The following NIBAN1 variants were observed in gnomAD, a reference collection of about 807,000 sequenced individuals.
The protein encoded by NIBAN1 is niban apoptosis regulator 1.
NIBAN1 carries 81 observed loss-of-function variants against 75.1 expected under a neutral mutation model. The observed-to-expected ratio is 1.08, with a 90% CI of 0.90 to 1.30. The LOEUF (loss-of-function observed/expected upper bound fraction) is 1.30, where lower values mean the gene tolerates loss of function less well. NIBAN1 is among the 50% of genes most tolerant of loss of function. The pLI is 0.00. For synonymous variants in NIBAN1, 436 were observed against 424.8 expected (o/e 1.03, Z -0.32); for missense variants, 1,133 against 1,128.1 (o/e 1.00, Z -0.06).
At chr1:184,812,940 A>G (rs1016073763) in intron 9 of NIBAN1, among the ~76,000 whole-genome samples, 3 of 152,252 alleles carry the variant, frequency 2.0e-5, no homozygotes, top group Non-Finnish European at 4.4e-5. Flanking sequence ...CTACTTTGGT[A>G]AAGTTCAAAA....
At chr1:184,851,875 A>G (rs1655548202) in intron 5 of NIBAN1, among the ~76,000 whole-genome samples, 1 of 149,688 alleles carries the variant, frequency 6.7e-6, no homozygotes, top group Admixed American at 6.7e-5. Flanking sequence ...TCTTATGACC[A>G]TGGTTGATAT....
At chr1:184,940,988 G>A (rs970371337) in intron 1 of NIBAN1, among the ~76,000 whole-genome samples, 5 of 152,230 alleles carry the variant, frequency 3.3e-5, no homozygotes, top group Non-Finnish European at 5.9e-5. Flanking sequence ...ACACACGTCA[G>A]TCTATCCTTT....
chr1:184,857,699 T>C (rs1259874279), intron 5 of NIBAN1, among the ~76,000 whole-genome samples: 3 of 152,156 alleles, frequency 2.0e-5, no homozygotes, highest in African/African-American at 7.2e-5. Context: ...TACATATACA[T>C]ATGTGTCTTG....
rs564232442 is a variant in NIBAN1 at position 184,885,498 on chromosome 1, C to T, written c.434-698G>A. Among the ~76,000 whole-genome samples, 38 of 152,260 alleles carry T rather than the reference C, an allele frequency of 2.5e-4. No individual in the cohort carries two copies. In the South Asian group the frequency reaches 7.7e-3, roughly 31 times the overall value. On this transcript the variant is annotated intron_variant, in intron 4 of 13. Coordinates refer to ENST00000367511, the MANE Select transcript of NIBAN1 (RefSeq NM_052966.4). ...CCTGGGCACAATCTTTCTCAACTTC[C>T]TTATGTCTAAAGACCCACAAACGGA...
intron 1 of NIBAN1, among the ~76,000 whole-genome samples, chr1:184,926,364 A>C (rs1178755663): frequency 6.6e-6 from 1 of 152,130 alleles, no homozygotes; most frequent in African/African-American, 2.4e-5. Flanking sequence ...CAGACTCCAG[A>C]GTAGTTGGGG....
intron 12 of NIBAN1, 30 bp downstream of exon 12, chr1:184,803,555 C>T (rs1332188294): frequency 1.1e-5 from 17 of 1,571,108 alleles, no homozygotes; most frequent in Non-Finnish European, 1.4e-5. Context: ...GTAAGAAGAG[C>T]AAGCTCTTTA....
At position 184,847,222 on chromosome 1, in the gene NIBAN1, G is replaced by A. The variant is rs1655461038; in HGVS notation, c.602-15260C>T. The stretch of plus-strand genomic sequence containing the variant: ...GGAAAAAATGTTAAGGGCAGCCAGA[G>A]AGAAAGGTCAGGTTACCCTCAAAGG... On this transcript the variant is annotated intron_variant, in intron 5 of 13. Transcript: ENST00000367511. Among the ~76,000 whole-genome samples the A allele has an allele frequency of 4.0e-4, 2 of 4,980 alleles. 1 individual carries two copies. The highest frequency in any genetic ancestry group is 8.9e-3 in the South Asian group (2 of 224). 3.3% of individuals were successfully genotyped at this position (4,980 alleles called of 152,430 possible). A position where few individuals can be genotyped will look rare whatever the true frequency, so the allele number is the denominator to read the frequency against.
intron 1 of NIBAN1, among the ~76,000 whole-genome samples, chr1:184,906,370 C>T (rs1319253912): frequency 6.6e-6 from 1 of 152,094 alleles, no homozygotes; most frequent in Non-Finnish European, 1.5e-5. Flanking sequence ...GTGGCTCACA[C>T]CTGTAATCCT....
intron 1 of NIBAN1, among the ~76,000 whole-genome samples, 162 bp downstream of exon 1, chr1:184,974,140 G>A (rs1659011766): frequency 6.6e-6 from 1 of 152,054 alleles, no homozygotes; most frequent in African/African-American, 2.4e-5. Context: ...GGAGCGCGCC[G>A]GCTGGGGCAG....
rs76457634 is a variant in NIBAN1, at chr1:184,824,202, A to T, written c.718-460T>A. ...AAGCCCTTCATGATCAAGGTATCAA[A>T]GTATCTCCATGCTCTTCGTCCCCAC... On this transcript the variant is annotated intron_variant, in intron 6 of 13. Transcript: ENST00000367511. 9.8e-5 allele frequency among the ~76,000 whole-genome samples: 15 copies of T among 152,302 alleles called. No homozygotes were observed. The East Asian group carries it at 2.9e-3, about 29-fold the overall frequency.
intron 1 of NIBAN1, among the ~76,000 whole-genome samples, chr1:184,951,470 T>G (rs1474522798): frequency 6.6e-6 from 1 of 152,202 alleles, no homozygotes; most frequent in Non-Finnish European, 1.5e-5. Context: ...GCAACTCCAT[T>G]CTTTCTTTTG....
intron 12 of NIBAN1, among the ~76,000 whole-genome samples, chr1:184,802,007 C>A (rs113620065): frequency 1.1e-4 from 16 of 152,210 alleles, no homozygotes; most frequent in African/African-American, 3.4e-4. Context: ...TCACAGTTCC[C>A]CAGACAATTC....
chr1:184,950,545 A>G (rs1393238055), intron 1 of NIBAN1, among the ~76,000 whole-genome samples: 1 of 152,164 alleles, frequency 6.6e-6, no homozygotes, highest in Non-Finnish European at 1.5e-5. Flanking sequence ...AACAATAAAG[A>G]TATCTGATGA....
At chr1:184,868,219 A>G (rs982025652) in intron 5 of NIBAN1, 1 of 221,946 alleles carries the variant, frequency 4.5e-6, no homozygotes, top group Non-Finnish European at 7.6e-6. Flanking sequence ...TTGACTTGCA[A>G]TATGATTTGT....
intron 5 of NIBAN1, among the ~76,000 whole-genome samples, chr1:184,875,991 T>C (rs1041623902): frequency 1.3e-5 from 2 of 151,974 alleles, no homozygotes; most frequent in African/African-American, 4.8e-5. Flanking sequence ...CTGACCAACA[T>C]GGAGAAACGT....
chr1:184,924,460 C>T (rs147232691), intron 1 of NIBAN1, among the ~76,000 whole-genome samples: 20 of 152,014 alleles, frequency 1.3e-4, no homozygotes, highest in Admixed American at 9.8e-4. Context: ...ATTTTGTTGA[C>T]GATTTTTGCA....
chr1:184,833,572 C>T (rs141616478), intron 5 of NIBAN1, among the ~76,000 whole-genome samples: 3 of 152,102 alleles, frequency 2.0e-5, no homozygotes, highest in Non-Finnish European at 4.4e-5. Context: ...CACGGTGGCA[C>T]ATGCCCATAG....
intron 1 of NIBAN1, among the ~76,000 whole-genome samples, chr1:184,925,682 C>G (rs1368376388): frequency 6.6e-6 from 1 of 151,200 alleles, no homozygotes; most frequent in Admixed American, 6.6e-5. Flanking sequence ...AACAAATAAG[C>G]AAAGAGAAAA....
intron 8 of NIBAN1, among the ~76,000 whole-genome samples, chr1:184,821,813 T>C (rs191337614): frequency 1.1e-3 from 162 of 152,250 alleles, no homozygotes; most frequent in Middle Eastern, 3.4e-3. Context: ...CATCAAATAC[T>C]CTGAGGTTAA....
Sources: gnomAD v4.1 joint callset for allele counts (sites outside exome capture counted in the v4.1 genomes callset) on GRCh38, gnomAD v4.1.1 for gene constraint, MANE v1.5 for transcripts, NCBI Gene and HGNC (gene_info 2026-07-23, HGNC 2026-07-21) for gene names.